PTPRD: variants seen among roughly 807,000 people sequenced by gnomAD.
PTPRD encodes receptor-type tyrosine-protein phosphatase delta.
In PTPRD, 34 loss-of-function variants were observed where a neutral mutation model predicts 214.5. That is an observed-to-expected ratio of 0.16 (90% CI 0.12 to 0.21). The LOEUF (loss-of-function observed/expected upper bound fraction) is 0.21. Among genes scored for constraint, PTPRD ranks in the 10% least tolerant of loss-of-function variants. The pLI is 1.00. For missense variants in PTPRD, 2,545 were observed against 2,398.7 expected, an observed-to-expected ratio of 1.06 and a Z score of -1.27; for synonymous variants, 1,128 against 845.7, an observed-to-expected ratio of 1.33 and a Z score of -5.79.
intron 9 of PTPRD, among the ~76,000 whole-genome samples, chr9:9,383,092 G>A (rs1041665502): frequency 3.3e-5 from 5 of 151,874 alleles, no homozygotes; most frequent in Admixed American, 6.6e-5. Flanking sequence ...TCTTAAATTT[G>A]GGAATTATAT....
At chr9:10,358,022 G>C (rs1163055517) in intron 2 of PTPRD, among the ~76,000 whole-genome samples, 2 of 152,222 alleles carry the variant, frequency 1.3e-5, no homozygotes, top group African/African-American at 2.4e-5. Flanking sequence ...ACTAACTACT[G>C]TGCTCAATAC....
intron 2 of PTPRD, among the ~76,000 whole-genome samples, chr9:10,345,431 A>AC (rs2097056141): frequency 2.7e-5 from 1 of 37,084 alleles, no homozygotes; most frequent in African/African-American, 1.1e-4. Context: ...CCCACCCCCC[A>AC]CATGCCCCAG....
rs763345352 is a variant in PTPRD, at chr9:8,524,900, G to A, written c.679+25C>T. ...TCCCCCTGAGCCTGAATGAAGAAGC[G>A]ATGCCAGGGTTATGTCATTCCTACC... On this transcript the variant is annotated intron_variant, in intron 18 of 45. Transcript: ENST00000381196. 8.2e-6 allele frequency: 13 copies of A among 1,590,578 alleles called. No individual in the cohort carries two copies. In the African/African-American group the frequency reaches 9.4e-5, roughly 12 times the overall value.
At chr9:9,934,068 C>T (rs1268245100) in intron 5 of PTPRD, among the ~76,000 whole-genome samples, 1 of 149,660 alleles carries the variant, frequency 6.7e-6, no homozygotes, top group Non-Finnish European at 1.5e-5. Flanking sequence ...CTCTGGGACA[C>T]ATTCAAAGCA....
chr9:8,461,861 G>A (rs991131195), intron 32 of PTPRD, among the ~76,000 whole-genome samples: 3 of 151,596 alleles, frequency 2.0e-5, no homozygotes, highest in African/African-American at 7.3e-5. Flanking sequence ...TGTTTCCCAG[G>A]CTGGTCTCGA....
rs376425084 is a variant in PTPRD at position 8,500,732 on chromosome 9, T to C, written c.2128+22A>G. On this transcript the variant is annotated intron_variant, in intron 24 of 45. Coordinates refer to ENST00000381196, the MANE Select transcript of PTPRD (RefSeq NM_002839.4). ...AAGACTGTGTCAGAAGGGTGCAAAC[T>C]GACGTAGCGGAGGCAACATACCATC... The C allele has an allele frequency of 6.0e-5, 96 of 1,611,296 alleles. No individual in the cohort carries two copies. The African/African-American group carries it at 6.9e-4, about 12-fold the overall frequency.
At chr9:8,685,532 C>T (rs1285810220) in intron 12 of PTPRD, among the ~76,000 whole-genome samples, 1 of 152,120 alleles carries the variant, frequency 6.6e-6, no homozygotes, top group African/African-American at 2.4e-5. Context: ...ACAAACACAT[C>T]AGGAACAGTT....
chr9:8,833,423 T>C (rs185955045), intron 11 of PTPRD, among the ~76,000 whole-genome samples: 5 of 152,202 alleles, frequency 3.3e-5, no homozygotes, highest in Middle Eastern at 3.4e-3. Context: ...ATGGTAACAT[T>C]TAATTATCTA....
chr9:8,935,220 A>C (rs1172138067), intron 11 of PTPRD, among the ~76,000 whole-genome samples: 1 of 152,186 alleles, frequency 6.6e-6, no homozygotes, highest in Non-Finnish European at 1.5e-5. Flanking sequence ...GACTTCACCA[A>C]AAAACTGTTG....
intron 3 of PTPRD, among the ~76,000 whole-genome samples, chr9:10,324,312 T>A (rs545212851): frequency 2.0e-5 from 3 of 152,176 alleles, no homozygotes; most frequent in African/African-American, 7.2e-5. Flanking sequence ...CAGATATTAA[T>A]AATACCTTAT....
In PTPRD at chr9:10,072,468, C is replaced by G. The variant is rs187786172; in HGVS notation, c.-544-38678G>C. ...AGATGGCACGAACCCAAAGAGAGAGCAGCAACAAGATTTATTGTGAAGGTC... is the reference window on the plus strand; with the variant it reads ...AGATGGCACGAACCCAAAGAGAGAGGAGCAACAAGATTTATTGTGAAGGTC... On this transcript the variant is annotated intron_variant, in intron 3 of 45. Transcript: ENST00000381196. Among the ~76,000 whole-genome samples the G allele has an allele frequency of 6.1e-3, 928 of 152,152 alleles. 16 individuals carry two copies. Among genetic ancestry groups the G allele is most frequent in the African/African-American group, 0.021 (873 of 41,542 alleles).
intron 3 of PTPRD, among the ~76,000 whole-genome samples, chr9:10,108,766 G>A (rs2098661104): frequency 6.6e-6 from 1 of 151,920 alleles, no homozygotes; most frequent in South Asian, 2.1e-4. Flanking sequence ...TGCACACAAA[G>A]GGATACTATT....
At chr9:9,348,448 A>G (rs946893543) in intron 9 of PTPRD, among the ~76,000 whole-genome samples, 1 of 152,166 alleles carries the variant, frequency 6.6e-6, no homozygotes, top group African/African-American at 2.4e-5. Context: ...GTTATCTCTT[A>G]AGTAAAACAG....
chr9:8,795,948 T>C (rs903889508), intron 11 of PTPRD, among the ~76,000 whole-genome samples: 28 of 152,168 alleles, frequency 1.8e-4, no homozygotes, highest in African/African-American at 6.0e-4. Context: ...CCTTGTATAG[T>C]TACACTATGG....
intron 7 of PTPRD, among the ~76,000 whole-genome samples, chr9:9,613,154 A>G (rs894473676): frequency 3.3e-4 from 28 of 86,026 alleles, no homozygotes; most frequent in African/African-American, 8.9e-4. Context: ...ATATATATAT[A>G]TATATATATA....
At chr9:9,945,053 G>C (rs995052733) in intron 4 of PTPRD, among the ~76,000 whole-genome samples, 1 of 152,130 alleles carries the variant, frequency 6.6e-6, no homozygotes, top group African/African-American at 2.4e-5. Context: ...GAATTTGTGA[G>C]CAGATTTGAT....
chr9:8,940,280 C>CTCCTTTGT (rs2099023955), intron 11 of PTPRD, among the ~76,000 whole-genome samples: 8 of 89,054 alleles, frequency 9.0e-5, no homozygotes, highest in African/African-American at 3.5e-4. Flanking sequence ...TCTCTCTCTC[C>CTCCTTTGT]TTTTTTTTTT....
At chr9:10,477,683 T>C (rs571897083) in intron 2 of PTPRD, among the ~76,000 whole-genome samples, 7 of 152,064 alleles carry the variant, frequency 4.6e-5, no homozygotes, top group African/African-American at 1.4e-4. Context: ...CATGCACACG[T>C]AGGTTATTGC....
intron 5 of PTPRD, among the ~76,000 whole-genome samples, chr9:9,905,501 G>C (rs941637942): frequency 2.0e-5 from 3 of 151,726 alleles, no homozygotes; most frequent in African/African-American, 7.3e-5. Context: ...CTATATACTA[G>C]TTATCAAGCC....
Sources: gnomAD v4.1 joint callset for allele counts (sites outside exome capture counted in the v4.1 genomes callset) on GRCh38, gnomAD v4.1.1 for gene constraint, MANE v1.5 for transcripts, NCBI Gene and HGNC (gene_info 2026-07-23, HGNC 2026-07-21) for gene names.